GRK6: variants seen among roughly 807,000 people sequenced by gnomAD.
GRK6 encodes G protein-coupled receptor kinase 6.
A neutral mutation model predicts 80.8 loss-of-function variants in GRK6; 37 were observed. The observed-to-expected ratio is 0.46, with a 90% confidence interval of 0.35 to 0.60. GRK6 has a LOEUF of 0.60. Ranked by LOEUF, GRK6 falls within the 20% of genes least tolerant of loss-of-function variation. The pLI is 0.00. For synonymous variants in GRK6, 295 were observed against 320.9 expected (o/e 0.92, Z 0.86); for missense variants, 560 against 784.6 (o/e 0.71, Z 3.42).
rs373196931 is a variant in GRK6, at chr5:177,433,447, A to G, written c.597+37A>G. 3 of 1,611,206 alleles carry G rather than the reference A, an allele frequency of 1.9e-6. No individual in the cohort carries two copies. In the African/African-American group the frequency reaches 4.0e-5, roughly 22 times the overall value. On this transcript the variant is annotated intron_variant, in intron 7 of 15. Coordinates refer to ENST00000355472, the MANE Select transcript of GRK6 (RefSeq NM_001004106.3). Reference sequence around the variant, plus strand: ...GGCCAGAGCCCCTGGGAGAGTGAATAGGGTGGGTGTGTTGGGACCTGGACC... The same window carrying G: ...GGCCAGAGCCCCTGGGAGAGTGAATGGGGTGGGTGTGTTGGGACCTGGACC...
At chr5:177,441,595 G>C in intron 15 of GRK6, 142 bp from the exon 16 acceptor site, 1 of 773,424 alleles carries the variant, frequency 1.3e-6, no homozygotes, top group Non-Finnish European at 2.3e-6. Context: ...CAGGCTCCTT[G>C]TGGAGAGGCC....
At chr5:177,426,540 G>T (rs1050050831), upstream of GRK6, 3 of 151,816 alleles carry the variant, frequency 2.0e-5, no homozygotes, top group Admixed American at 1.3e-4. Flanking sequence ...CCCCAGCTGG[G>T]GGGGCGGGGG....
intron 11 of GRK6, 90 bp from the exon 12 acceptor site, chr5:177,435,983 T>C: frequency 9.0e-7 from 1 of 1,108,356 alleles, no homozygotes; most frequent in Non-Finnish European, 1.3e-6. Context: ...TGTGAGTGTA[T>C]CCCAGACCTA....
At chr5:177,441,293 G>C in intron 15 of GRK6, 1 of 1,553,340 alleles carries the variant, frequency 6.4e-7, no homozygotes, top group Non-Finnish European at 8.7e-7. Context: ...GCCTGGCCTC[G>C]GGGAGCCACG....
At chr5:177,427,823 G>T (rs533553668) in intron 1 of GRK6, among the ~76,000 whole-genome samples, 9 of 152,288 alleles carry the variant, frequency 5.9e-5, no homozygotes, top group African/African-American at 1.9e-4. Flanking sequence ...GATTGTGACA[G>T]TTTTTCCACC....
At chr5:177,438,491 G>C (rs1422302562) in intron 13 of GRK6, 1 of 152,250 alleles carries the variant, frequency 6.6e-6, no homozygotes, top group African/African-American at 2.4e-5. Flanking sequence ...TATGTGAAGC[G>C]GAGAGCCATG....
At chr5:177,440,882 C>T (rs767635974) in intron 14 of GRK6, 37 bp from the exon 15 acceptor site, 2 of 1,613,708 alleles carry the variant, frequency 1.2e-6, no homozygotes, top group East Asian at 2.2e-5. Flanking sequence ...GGAGGCTGCC[C>T]TGGGGACAGC....
chr5:177,440,940 C>T lies in GRK6; in HGVS notation c.1564C>T (p.Gln522Ter). Reference protein sequence around the residue: ...QNEMVETECFQELNVFGLDGS... With the variant: ...QNEMVETECF Reference sequence around the variant, plus strand: ...GCAGATGGTGGAGACCGAGTGCTTCCAAGAGCTGAATGTCTTTGGGCTGGA... The same window carrying T: ...GCAGATGGTGGAGACCGAGTGCTTCTAAGAGCTGAATGTCTTTGGGCTGGA... The change falls in exon 15 of 16, where the codon CAA becomes TAA. Residue 522 changes from glutamine (Q) to a stop codon, truncating the protein, a stop_gained. Transcript: ENST00000355472. LOFTEE classifies it high-confidence loss of function. The T allele has an allele frequency of 1.2e-6, 2 of 1,614,004 alleles. No individual in the cohort carries two copies. Among genetic ancestry groups the T allele is most frequent in the Non-Finnish European group, 1.7e-6 (2 of 1,180,002 alleles).
rs1035718370 is a variant in GRK6, at chr5:177,428,398, A to G, written c.52+1501A>G. Among the ~76,000 whole-genome samples, 1 of 152,094 alleles carries G rather than the reference A, an allele frequency of 6.6e-6. No homozygotes were observed. Among genetic ancestry groups the G allele is most frequent in the East Asian group, 1.9e-4 (1 of 5,196 alleles). On this transcript the variant is annotated intron_variant, in intron 1 of 15. Coordinates refer to ENST00000355472, the MANE Select transcript of GRK6 (RefSeq NM_001004106.3). The surrounding 1 kb of genome is among the most constrained non-coding windows in gnomAD (Gnocchi z 4.1). ...TGGGGACTGGTACCTCCACTAGAGA[A>G]CCCTTACGACAACCTGGCTCTGCCC...
At chr5:177,437,008 G>T (rs1308456319) in intron 13 of GRK6, among the ~76,000 whole-genome samples, 1 of 151,870 alleles carries the variant, frequency 6.6e-6, no homozygotes, top group Non-Finnish European at 1.5e-5. Flanking sequence ...AGGCTGGAGT[G>T]CAGTGGTGAG....
At chr5:177,441,196 G>T in intron 15 of GRK6, 143 bp downstream of exon 15, 9 of 1,475,674 alleles carry the variant, frequency 6.1e-6, no homozygotes, top group Non-Finnish European at 8.4e-6. Context: ...CCTCATTCCC[G>T]CCTGTCCCCC....
intron 7 of GRK6, 57 bp from the exon 8 acceptor site, chr5:177,433,479 T>C: frequency 6.2e-7 from 1 of 1,612,174 alleles, no homozygotes; most frequent in Non-Finnish European, 8.5e-7. Context: ...GACCACCCCC[T>C]GGATGCCCAG....
intron 1 of GRK6, among the ~76,000 whole-genome samples, chr5:177,427,260 C>T (rs1763711783): frequency 6.6e-6 from 1 of 152,194 alleles, no homozygotes; most frequent in Non-Finnish European, 1.5e-5. Context: ...GGGCCCAGAC[C>T]CCAGCACCCT....
Position 177,432,139 on chromosome 5 carries a change from G to A in GRK6, c.261+32G>A, listed in dbSNP as rs759588481. On this transcript the variant is annotated intron_variant, in intron 3 of 15. Transcript: ENST00000355472. ...GCAGCCCAGCCCTGCCCAGCCCCGC[G>A]GGTGGCCGAGGTCCTGGCCCCATGT... The A allele has an allele frequency of 2.7e-5, 44 of 1,607,488 alleles. 1 individual carries two copies. The highest frequency in any genetic ancestry group is 3.4e-5 in the Non-Finnish European group (40 of 1,175,398).
Position 177,433,541 on chromosome 5 carries a change from C to T in GRK6, c.603C>T (p.Cys201=), listed in dbSNP as rs766879986. 51 of 1,613,922 alleles carry T rather than the reference C, an allele frequency of 3.2e-5. No homozygotes were observed. Among genetic ancestry groups the T allele is most frequent in the Non-Finnish European group, 4.2e-5 (50 of 1,180,008 alleles). ...CCCTGTCTGTCTGGCCACAGGTGTGCGCCTGCCAGGTGCGGGCCACAGGTA... is the reference window on the plus strand; with the variant it reads ...CCCTGTCTGTCTGGCCACAGGTGTGTGCCTGCCAGGTGCGGGCCACAGGTA... ...VLGKGGFGEV[C]ACQVRATGKM... is the part of the protein sequence containing the mutation. The change falls in exon 8 of 16, where the codon TGC becomes TGT. Residue 201 remains cysteine, a synonymous_variant. Coordinates refer to ENST00000355472, the MANE Select transcript of GRK6 (RefSeq NM_001004106.3).
At chr5:177,434,207 A>C in intron 9 of GRK6, 103 bp downstream of exon 9, 1 of 1,156,994 alleles carries the variant, frequency 8.6e-7, no homozygotes, top group Non-Finnish European at 1.2e-6. Context: ...GCCAGACTAC[A>C]GAAGGACATT....
Position 177,435,182 on chromosome 5 carries a change from C to G in GRK6, c.1057+61C>G, listed in dbSNP as rs1024118434. On this transcript the variant is annotated intron_variant, in intron 11 of 15. Transcript: ENST00000355472. ...GTTCCCTCACTATCCACCCACCCAG[C>G]CACACCCACTTCTGTCTGGGAGTCT... 42 of 1,231,794 alleles carry G rather than the reference C, an allele frequency of 3.4e-5. No individual in the cohort carries two copies. In the African/African-American group the frequency reaches 6.1e-4, roughly 18 times the overall value. 76.3% of individuals were successfully genotyped at this position (1,231,794 alleles called of 1,614,324 possible).
chr5:177,432,956 C>A, intron 5 of GRK6, 150 bp downstream of exon 5: 1 of 785,600 alleles, frequency 1.3e-6, no homozygotes, highest in Non-Finnish European at 2.1e-6. Context: ...GAGCAGGCTG[C>A]CTCCCCTCTC....
Position 177,434,915 on chromosome 5 carries a change from G to T in GRK6, c.943G>T (p.Glu315Ter). Residue 315 changes from glutamate (E) to a stop codon, truncating the protein, a stop_gained, in exon 10 of 16, where the codon GAG (glutamate) becomes TAG (stop). Coordinates refer to ENST00000355472, the MANE Select transcript of GRK6 (RefSeq NM_001004106.3). LOFTEE classifies it high-confidence loss of function. ...ERIVYRDLKP[E>*]NILLDDHGHI... Reference sequence around the variant, plus strand: ...CTCTCTGCACAGGGACCTGAAGCCCGAGAACATCTTGCTGGATGACCACGG... The same window carrying T: ...CTCTCTGCACAGGGACCTGAAGCCCTAGAACATCTTGCTGGATGACCACGG... 6.2e-7 allele frequency: 1 copy of T among 1,608,402 alleles called. No homozygotes were observed. The highest frequency in any genetic ancestry group is 2.2e-5 in the East Asian group (1 of 44,664).
Sources: allele counts gnomAD v4.1 joint callset (sites outside exome capture counted in the v4.1 genomes callset), GRCh38; gene constraint gnomAD v4.1.1; non-coding constraint Gnocchi (gnomAD v3.1); transcripts MANE v1.5; gene names NCBI Gene and HGNC (gene_info 2026-07-23, HGNC 2026-07-21).